OSM: variants seen among roughly 807,000 people sequenced by gnomAD.
The protein encoded by OSM is oncostatin M, also known as oncostatin-M.
In OSM, 1 loss-of-function variant was observed where a neutral mutation model predicts 6.3. The ratio of observed to expected loss-of-function variants is 0.16; its 90% confidence interval spans 0.06 to 0.76. The LOEUF (loss-of-function observed/expected upper bound fraction) is 0.76. Ranked by LOEUF, OSM falls within the 30% of genes least tolerant of loss-of-function variation. The pLI, the probability that OSM is intolerant of heterozygous loss-of-function variation, is 0.77. For missense variants in OSM, 324 were observed against 336.9 expected, an observed-to-expected ratio of 0.96 and a Z score of 0.30; for synonymous variants, 135 against 143.4, an observed-to-expected ratio of 0.94 and a Z score of 0.42.
chr22:30,265,030 T>C lies in OSM; in HGVS notation c.149A>G (p.Gln50Arg), dbSNP rs1312162610. The change falls in exon 2 of 3, where the codon CAG becomes CGG. Residue 50 changes from glutamine (Q) to arginine (R), a missense_variant. Gln to Arg is a conservative substitution (Grantham distance 43). Coordinates refer to ENST00000215781, the MANE Select transcript of OSM (RefSeq NM_020530.6). ...GGGGTCCAGGAGTCTGCTGGTGTCCTGCATGAGATCTGTCTGCTTCTGGAG... is the reference window on the plus strand; with the variant it reads ...GGGGTCCAGGAGTCTGCTGGTGTCCCGCATGAGATCTGTCTGCTTCTGGAG... ...GQLQKQTDLM[Q>R]DTSRLLDPYI... is the part of the protein sequence containing the mutation. 14 of 1,614,174 alleles carry C rather than the reference T, an allele frequency of 8.7e-6. No homozygotes were observed. Among genetic ancestry groups the C allele is most frequent in the Non-Finnish European group, 1.2e-5 (14 of 1,179,992 alleles).
chr22:30,266,742 G>C lies in OSM; in HGVS notation c.34+24C>G. The C allele has an allele frequency of 1.2e-6, 2 of 1,612,954 alleles. No individual in the cohort carries two copies. The highest frequency in any genetic ancestry group is 1.7e-6 in the Non-Finnish European group (2 of 1,179,332). On this transcript the variant is annotated intron_variant, in intron 1 of 2. Transcript: ENST00000215781. This position sits in a 1 kb window ranked among gnomAD's most constrained non-coding sequence, Gnocchi z 5.0. ...TGGGCAGACCCAGCAGGCGGGTTCT[G>C]GCGGGGAGGAAGGAAGTACTTACTG... is the stretch of plus-strand genomic sequence containing the variant.
chr22:30,266,540 C>A lies in OSM; in HGVS notation c.34+226G>T, dbSNP rs148490924. On this transcript the variant is annotated intron_variant, in intron 1 of 2. Transcript: ENST00000215781. The surrounding 1 kb of genome is among the most constrained non-coding windows in gnomAD (Gnocchi z 5.0). ...GCCTCTACATCTTGACATCACCTCCCCCTGGAAGCCTTCCAGGGATGCCCC... is the reference window on the plus strand; with the variant it reads ...GCCTCTACATCTTGACATCACCTCCACCTGGAAGCCTTCCAGGGATGCCCC... 6.6e-6 allele frequency among the ~76,000 whole-genome samples: 1 copy of A among 152,290 alleles called. No homozygotes were observed. Among genetic ancestry groups the A allele is most frequent in the African/African-American group, 2.4e-5 (1 of 41,556 alleles).
At chr22:30,265,490 C>G (rs1165516982) in intron 1 of OSM, 3 of 886,796 alleles carry the variant, frequency 3.4e-6, no homozygotes, top group Non-Finnish European at 4.2e-6. Flanking sequence ...GGAGCTGACT[C>G]TCTGCAAGGT....
chr22:30,264,191 A>G lies in OSM; in HGVS notation c.451T>C (p.Tyr151His). 6.2e-7 allele frequency: 1 copy of G among 1,613,980 alleles called. No individual in the cohort carries two copies. The highest frequency in any genetic ancestry group is 8.5e-7 in the Non-Finnish European group (1 of 1,180,024). The stretch of plus-strand genomic sequence containing the variant: ...TTGTCCAGCAGCTGGGCCATGCAGT[A>G]GATGTTGTTCCTGAGCCCGAGGATG... ...PNILGLRNNI[Y>H]CMAQLLDNSD... Residue 151 changes from tyrosine (Y) to histidine (H), a missense_variant, in exon 3 of 3, where the codon TAC becomes CAC. Coordinates refer to ENST00000215781, the MANE Select transcript of OSM (RefSeq NM_020530.6).
Position 30,265,062 on chromosome 22 carries a change from A to G in OSM, c.117T>C (p.Leu39=). 6.2e-7 allele frequency: 1 copy of G among 1,614,186 alleles called. No individual in the cohort carries two copies. Among genetic ancestry groups the G allele is most frequent in the Non-Finnish European group, 8.5e-7 (1 of 1,180,022 alleles). ...GSCSKEYRVL[L]GQLQKQTDLM... is the part of the protein sequence containing the mutation. ...GATCTGTCTGCTTCTGGAGCTGGCC[A>G]AGGAGCACGCGGTACTCTTTCGAGC... The change falls in exon 2 of 3, where the codon CTT becomes CTC. Residue 39 remains leucine, a synonymous_variant. Transcript: ENST00000215781.
Position 30,266,298 on chromosome 22 carries a change from G to A in OSM, c.34+468C>T, listed in dbSNP as rs984527755. Among the ~76,000 whole-genome samples the A allele has an allele frequency of 6.6e-6, 1 of 152,176 alleles. No homozygotes were observed. The highest frequency in any genetic ancestry group is 2.4e-5 in the African/African-American group (1 of 41,444). Reference sequence around the variant, plus strand: ...GCTGTAGATGACGTCATATGGCTGTGTGCGCATGTGGCCATGTGGGTGTGG... The same window carrying A: ...GCTGTAGATGACGTCATATGGCTGTATGCGCATGTGGCCATGTGGGTGTGG... On this transcript the variant is annotated intron_variant, in intron 1 of 2. Coordinates refer to ENST00000215781, the MANE Select transcript of OSM (RefSeq NM_020530.6). The surrounding 1 kb of genome is among the most constrained non-coding windows in gnomAD (Gnocchi z 5.0).
rs150499755 is a variant in OSM at position 30,264,001 on chromosome 22, TC to T, written c.640del (p.Glu214ArgfsTer15). ...GTGTCTCCGGCTCCGGTTCGGGCTCTCCCCCCACTTGCTGAAGACCCGCCCC... is the reference window on the plus strand; with the variant it reads ...GTGTCTCCGGCTCCGGTTCGGGCTCTCCCCCACTTGCTGAAGACCCGCCCC... ...SVGRVFSKWG[E>X]SPNRSRRHSP... is the part of the protein sequence containing the mutation. On this transcript the variant is annotated frameshift_variant, in exon 3 of 3. Coordinates refer to ENST00000215781, the MANE Select transcript of OSM (RefSeq NM_020530.6). LOFTEE classifies it low-confidence loss of function (END_TRUNC). The T allele has an allele frequency of 1.2e-5, 18 of 1,555,978 alleles. No homozygotes were observed. The highest frequency in any genetic ancestry group is 1.6e-5 in the Non-Finnish European group (18 of 1,149,700).
Position 30,265,031 on chromosome 22 carries a change from G to C in OSM, c.148C>G (p.Gln50Glu). The C allele has an allele frequency of 1.2e-6, 2 of 1,614,160 alleles. No homozygotes were observed. Among genetic ancestry groups the C allele is most frequent in the Non-Finnish European group, 1.7e-6 (2 of 1,179,992 alleles). The change falls in exon 2 of 3, where the codon CAG becomes GAG. Residue 50 changes from glutamine (Q) to glutamate (E), a missense_variant. Gln to Glu is a conservative substitution (Grantham distance 29). Transcript: ENST00000215781. ...GGGTCCAGGAGTCTGCTGGTGTCCT[G>C]CATGAGATCTGTCTGCTTCTGGAGC... ...GQLQKQTDLM[Q>E]DTSRLLDPYI...
At position 30,264,374 on chromosome 22, in the gene OSM, G is replaced by A. The variant is rs147879502; in HGVS notation, c.268C>T (p.Leu90=). Residue 90 remains leucine, a synonymous_variant, in exon 3 of 3, where the codon CTG becomes TTG. Transcript: ENST00000215781. ...AFPSEETLRG[L]GRRGFLQTLN... ...GTCTGCAGGAAGCCCCGCCTGCCCA[G>A]CCCCCTCAGGGTCTCCTCACTGGGG... 88 of 1,613,962 alleles carry A rather than the reference G, an allele frequency of 5.5e-5. No individual in the cohort carries two copies. The African/African-American group carries it at 1.1e-3, about 20-fold the overall frequency.
chr22:30,263,468 C>T lies in OSM; in HGVS notation c.*415G>A. ...AGGAGGCCAGCTCAGGCTGTGACCT[C>T]CCCTTCAGAAACACGGAAAGGAGGA... On this transcript the variant is annotated 3_prime_UTR_variant, in exon 3 of 3. Coordinates refer to ENST00000215781, the MANE Select transcript of OSM (RefSeq NM_020530.6). 5.5e-6 allele frequency: 1 copy of T among 182,266 alleles called. No homozygotes were observed. The highest frequency in any genetic ancestry group is 1.1e-5 in the Non-Finnish European group (1 of 88,620). 11.3% of individuals were successfully genotyped at this position (182,266 alleles called of 1,614,324 possible). A position where few individuals can be genotyped will look rare whatever the true frequency, so the allele number is the denominator to read the frequency against.
chr22:30,264,917 C>G, intron 2 of OSM, 85 bp downstream of exon 2: 1 of 1,514,074 alleles, frequency 6.6e-7, no homozygotes, highest in Non-Finnish European at 9.1e-7. Flanking sequence ...TGGAGTGGGG[C>G]TAGGCCTGTC....
At position 30,263,701 on chromosome 22, in the gene OSM, C is replaced by G. The variant is rs1828507534; in HGVS notation, c.*182G>C. 2.2e-6 allele frequency: 1 copy of G among 460,724 alleles called. No homozygotes were observed. Among genetic ancestry groups the G allele is most frequent in the African/African-American group, 2.0e-5 (1 of 50,110 alleles). The allele number at this position is 460,724 out of a possible 1,614,324, so 28.5% of individuals were successfully genotyped here. On this transcript the variant is annotated 3_prime_UTR_variant, in exon 3 of 3. Coordinates refer to ENST00000215781, the MANE Select transcript of OSM (RefSeq NM_020530.6). ...GAGGTGGGAGCGCAACAGCCTGACT[C>G]TGTCTCCCAGCCTGGAGGAGGTAGA...
rs200059633 is a variant in OSM at position 30,264,232 on chromosome 22, T to A, written c.410A>T (p.Gln137Leu). 11 of 1,614,020 alleles carry A rather than the reference T, an allele frequency of 6.8e-6. No homozygotes were observed. Among genetic ancestry groups the A allele is most frequent in the Middle Eastern group, 1.6e-4 (1 of 6,084 alleles). The change falls in exon 3 of 3, where the codon CAG becomes CTG. Residue 137 changes from glutamine (Q) to leucine (L), a missense_variant. Physicochemically the swap from Gln to Leu is moderately radical, Grantham distance 113. Coordinates refer to ENST00000215781, the MANE Select transcript of OSM (RefSeq NM_020530.6). ...CCCGAGGATGTTCGGCCTCGCCATC[T>A]GCAGCTTCTCCAAGTCCTCGATGTT... ...GLNIEDLEKL[Q>L]MARPNILGLR...
chr22:30,264,245 A>G lies in OSM; in HGVS notation c.397T>C (p.Leu133=), dbSNP rs765959175. The part of the protein sequence containing the change: ...LERSGLNIED[L]EKLQMARPNI... ...GGCCTCGCCATCTGCAGCTTCTCCA[A>G]GTCCTCGATGTTCAGCCCAGACCTC... Residue 133 remains leucine, a synonymous_variant, in exon 3 of 3, where the codon TTG becomes CTG. Transcript: ENST00000215781. 1 of 1,614,134 alleles carries G rather than the reference A, an allele frequency of 6.2e-7. No individual in the cohort carries two copies. Among genetic ancestry groups the G allele is most frequent in the Non-Finnish European group, 8.5e-7 (1 of 1,180,034 alleles).
chr22:30,263,079 C>G lies in OSM; in HGVS notation c.*804G>C, dbSNP rs200927318. On this transcript the variant is annotated 3_prime_UTR_variant, in exon 3 of 3. Transcript: ENST00000215781. ...CAGCGAGGACCCAAGACGGGCTTCC[C>G]GGCGCTGGGAGGTGGGTCTGCTTTT... 6.5e-6 allele frequency: 1 copy of G among 152,720 alleles called. No homozygotes were observed. The highest frequency in any genetic ancestry group is 2.4e-5 in the African/African-American group (1 of 41,458). 9.5% of individuals were successfully genotyped at this position (152,720 alleles called of 1,614,324 possible). A position where few individuals can be genotyped will look rare whatever the true frequency, so the allele number is the denominator to read the frequency against.
intron 1 of OSM, chr22:30,265,356 G>C (rs1929364973): frequency 1.0e-6 from 1 of 985,492 alleles, no homozygotes; most frequent in Non-Finnish European, 1.2e-6. Context: ...ACTGCCCAGG[G>C]CCTGACACAG....
At position 30,266,721 on chromosome 22, in the gene OSM, C is replaced by T. The variant is rs774361182; in HGVS notation, c.34+45G>A. 1 of 1,609,536 alleles carries T rather than the reference C, an allele frequency of 6.2e-7. No individual in the cohort carries two copies. Among genetic ancestry groups the T allele is most frequent in the South Asian group, 1.1e-5 (1 of 90,864 alleles). Reference sequence around the variant, plus strand: ...TCTGCTCCCCACCGGCACCCGTGGGCAGACCCAGCAGGCGGGTTCTGGCGG... The same window carrying T: ...TCTGCTCCCCACCGGCACCCGTGGGTAGACCCAGCAGGCGGGTTCTGGCGG... On this transcript the variant is annotated intron_variant, in intron 1 of 2. Coordinates refer to ENST00000215781, the MANE Select transcript of OSM (RefSeq NM_020530.6). This position sits in a 1 kb window ranked among gnomAD's most constrained non-coding sequence, Gnocchi z 5.0.
intron 2 of OSM, 105 bp downstream of exon 2, chr22:30,264,897 C>G: frequency 7.4e-7 from 1 of 1,359,974 alleles, no homozygotes; most frequent in Non-Finnish European, 1.0e-6. Flanking sequence ...AGTTCCCCGA[C>G]CTGGCCATAT....
Position 30,266,673 on chromosome 22 carries a change from G to A in OSM, c.34+93C>T. 1 of 1,449,362 alleles carries A rather than the reference G, an allele frequency of 6.9e-7. No individual in the cohort carries two copies. The highest frequency in any genetic ancestry group is 9.6e-7 in the Non-Finnish European group (1 of 1,039,478). 89.8% of individuals were successfully genotyped at this position (1,449,362 alleles called of 1,614,324 possible). ...TTCTGCCTGGCGCCTGGCCTCCCCA[G>A]TTCCCGGAGGGCAGAGGGTGCCTCT... is the stretch of plus-strand genomic sequence containing the variant. On this transcript the variant is annotated intron_variant, in intron 1 of 2. Transcript: ENST00000215781. This position sits in a 1 kb window ranked among gnomAD's most constrained non-coding sequence, Gnocchi z 5.0.
Sources: gnomAD v4.1 joint callset for allele counts (sites outside exome capture counted in the v4.1 genomes callset) on GRCh38, gnomAD v4.1.1 for gene constraint, Gnocchi (gnomAD v3.1) non-coding constraint, MANE v1.5 for transcripts, NCBI Gene and HGNC (gene_info 2026-07-23, HGNC 2026-07-21) for gene names.